Variants in COL9A1 observed in about 807,000 individuals in gnomAD.
The protein encoded by COL9A1 is collagen type IX alpha 1 chain, also known as collagen alpha-1(IX) chain.
In COL9A1, 104 loss-of-function variants were observed where a neutral mutation model predicts 142.6. The ratio of observed to expected loss-of-function variants is 0.73; its 90% CI spans 0.62 to 0.86. The LOEUF (loss-of-function observed/expected upper bound fraction) is 0.86. Among genes scored for constraint, COL9A1 ranks in the 40% least tolerant of loss-of-function variants. The pLI is 0.00. For missense variants in COL9A1, 1,210 were observed against 1,176.6 expected, an observed-to-expected ratio of 1.03 and a Z score of -0.42; for synonymous variants, 466 against 396.0, an observed-to-expected ratio of 1.18 and a Z score of -2.10.
chr6:70,244,950 C>G (rs16868806), intron 28 of COL9A1, among the ~76,000 whole-genome samples: 10,045 of 152,222 alleles, frequency 0.066, 361 homozygotes, highest in Non-Finnish European at 0.076. Flanking sequence ...TAAGAGTCCA[C>G]CATATGTAGC....
chr6:70,269,905 T>A (rs1483712702), intron 15 of COL9A1, among the ~76,000 whole-genome samples: 1 of 152,126 alleles, frequency 6.6e-6, no homozygotes, highest in Non-Finnish European at 1.5e-5. Context: ...AGAGGCAAAA[T>A]AGAAAATGTG....
intron 10 of COL9A1, among the ~76,000 whole-genome samples, chr6:70,277,791 A>AT: frequency 6.6e-6 from 1 of 152,196 alleles, no homozygotes; most frequent in Non-Finnish European, 1.5e-5. Context: ...CCAATTAACC[A>AT]TTTTTTAACA....
intron 20 of COL9A1, among the ~76,000 whole-genome samples, chr6:70,257,961 G>A (rs535131087): frequency 6.6e-6 from 1 of 152,228 alleles, no homozygotes; most frequent in South Asian, 2.1e-4. Flanking sequence ...CAGATATTAG[G>A]TTCAATTTAT....
chr6:70,276,096 T>C (rs1440947944), intron 10 of COL9A1, among the ~76,000 whole-genome samples: 3 of 151,966 alleles, frequency 2.0e-5, no homozygotes, highest in Non-Finnish European at 4.4e-5. Context: ...AGAAGAAAAA[T>C]ATTAAACACA....
Position 70,300,055 on chromosome 6 carries a change from C to T in COL9A1, c.287G>A (p.Arg96Lys), listed in dbSNP as rs750029947. 1.2e-6 allele frequency: 2 copies of T among 1,613,614 alleles called. No homozygotes were observed. The highest frequency in any genetic ancestry group is 2.2e-5 in the South Asian group (2 of 91,078). The change falls in exon 4 of 38, where the codon AGG (arginine) becomes AAG (lysine). Residue 96 changes from arginine (R) to lysine (K), a missense_variant. Physicochemically the swap from Arg to Lys is conservative, Grantham distance 26. Transcript: ENST00000357250. Reference protein sequence around the residue: ...AYKLGNNVDFRIPTRNLYPSG... With the variant: ...AYKLGNNVDFKIPTRNLYPSG... ...TTTGATAGATTACCTAGTTGGAATC[C>T]TGAAGTCTACATTATTTCCCAACTT...
intron 28 of COL9A1, among the ~76,000 whole-genome samples, chr6:70,247,559 A>G (rs1332655514): frequency 1.3e-5 from 2 of 152,222 alleles, no homozygotes; most frequent in Non-Finnish European, 1.5e-5. Context: ...TGTACTATAT[A>G]TTAAGTGCCT....
intron 5 of COL9A1, among the ~76,000 whole-genome samples, chr6:70,286,227 T>C (rs2127601211): frequency 6.6e-6 from 1 of 152,282 alleles, no homozygotes; most frequent in Middle Eastern, 3.4e-3. Flanking sequence ...AAGGTATAAT[T>C]CAATCCTCAA....
chr6:70,279,246 C>T (rs617985), intron 10 of COL9A1, among the ~76,000 whole-genome samples: 11,115 of 152,072 alleles, frequency 0.073, 915 homozygotes, highest in African/African-American at 0.19. Flanking sequence ...ATGACAATTT[C>T]GATTAATTAT....
At chr6:70,234,640 G>A (rs1265844970) in intron 34 of COL9A1, 47 bp from the exon 35 acceptor site, 2 of 1,611,296 alleles carry the variant, frequency 1.2e-6, no homozygotes, top group Admixed American at 1.7e-5. Flanking sequence ...AAACCATAAA[G>A]AGAACATTGT....
intron 10 of COL9A1, chr6:70,275,005 G>A (rs1003238469): frequency 6.9e-5 from 37 of 536,056 alleles, no homozygotes; most frequent in Admixed American, 5.2e-4. Flanking sequence ...CTAACTTCCT[G>A]CTAACTGCAT....
At chr6:70,301,903 A>T in intron 2 of COL9A1, 98 bp downstream of exon 2, 5 of 943,672 alleles carry the variant, frequency 5.3e-6, no homozygotes, top group Admixed American at 2.0e-5. Context: ...GGTGTGAAGG[A>T]CTATGAATGC....
chr6:70,280,132 C>T (rs1217452302), intron 10 of COL9A1: 4 of 546,540 alleles, frequency 7.3e-6, no homozygotes, highest in African/African-American at 3.8e-5. Flanking sequence ...TATAAGTCAG[C>T]ATTTGATGGA....
chr6:70,278,208 G>A (rs1772893892), intron 10 of COL9A1, among the ~76,000 whole-genome samples: 1 of 152,048 alleles, frequency 6.6e-6, no homozygotes, highest in Non-Finnish European at 1.5e-5. Context: ...CGGTGACTTA[G>A]GTACTAAAAA....
intron 33 of COL9A1, among the ~76,000 whole-genome samples, chr6:70,238,278 G>A (rs1770037413): frequency 6.6e-6 from 1 of 152,138 alleles, no homozygotes; most frequent in South Asian, 2.1e-4. Context: ...TGAGATTGAG[G>A]TCTGAGCTTC....
chr6:70,222,385 G>A (rs1162792252), intron 37 of COL9A1, among the ~76,000 whole-genome samples: 1 of 152,160 alleles, frequency 6.6e-6, no homozygotes, highest in Non-Finnish European at 1.5e-5. Context: ...CTGGCAGCCT[G>A]GCTCCATGTC....
chr6:70,255,253 T>C (rs1771205526), intron 22 of COL9A1, 50 bp from the exon 23 acceptor site: 5 of 1,610,286 alleles, frequency 3.1e-6, no homozygotes, highest in Non-Finnish European at 4.2e-6. Context: ...GTTAACATAA[T>C]ACTTAGACTT....
At chr6:70,248,967 G>C (rs1019598828) in intron 28 of COL9A1, among the ~76,000 whole-genome samples, 2 of 152,106 alleles carry the variant, frequency 1.3e-5, no homozygotes, top group African/African-American at 4.8e-5. Context: ...ATGGCTTATG[G>C]AATGTTGAGC....
At chr6:70,254,623 A>G (rs946452218) in intron 24 of COL9A1, 94 bp from the exon 25 acceptor site, 9 of 1,083,460 alleles carry the variant, frequency 8.3e-6, no homozygotes, top group Non-Finnish European at 1.2e-5. Flanking sequence ...AAGTAAAAGG[A>G]TTGTCCCAAC....
rs1772269024 is a variant in COL9A1 at position 70,269,729 on chromosome 6, C to T, written c.1198-64G>A. 2.4e-5 allele frequency: 24 copies of T among 1,009,860 alleles called. No homozygotes were observed. In the South Asian group the frequency reaches 3.2e-4, roughly 13 times the overall value. 62.6% of individuals were successfully genotyped at this position (1,009,860 alleles called of 1,614,324 possible). On this transcript the variant is annotated intron_variant, in intron 15 of 37. Coordinates refer to ENST00000357250, the MANE Select transcript of COL9A1 (RefSeq NM_001851.6). ...AATAATGAATTCAAACATACTAATA[C>T]TAGAAAGCTCATCAGGCAAAAGTAT...
Sources: allele counts gnomAD v4.1 joint callset (sites outside exome capture counted in the v4.1 genomes callset), GRCh38; gene constraint gnomAD v4.1.1; transcripts MANE v1.5; gene names NCBI Gene and HGNC (gene_info 2026-07-23, HGNC 2026-07-21).